The following XPA variants were observed in gnomAD, a reference collection of about 807,000 sequenced individuals.
XPA encodes DNA repair protein complementing XP-A cells.
Under a neutral mutation model 35.7 loss-of-function variants are expected in XPA, and 27 were observed. That is an observed-to-expected ratio of 0.76 (90% CI 0.56 to 1.04). The LOEUF is 1.04. Among genes scored for constraint, XPA ranks in the 50% least tolerant of loss-of-function variants. The pLI, the probability that XPA is intolerant of heterozygous loss-of-function variation, is 0.00. For missense variants in XPA, 354 were observed against 342.7 expected (o/e 1.03, Z -0.26); for synonymous variants, 133 against 118.4 (o/e 1.12, Z -0.80).
intron 5 of XPA, among the ~76,000 whole-genome samples, chr9:97,678,376 G>C (rs1049854007): frequency 6.6e-6 from 1 of 152,104 alleles, no homozygotes; most frequent in African/African-American, 2.4e-5. Context: ...ACTCCAACCT[G>C]GGTGACAGAG....
At chr9:97,661,284 G>A in the XPA span, among the ~76,000 whole-genome samples, 92 of 152,184 alleles carry the variant, frequency 6.0e-4, no homozygotes, top group Non-Finnish European at 1.1e-3. Context: ...AAACTTCATC[G>A]TAAATACAAA....
intron 2 of XPA, among the ~76,000 whole-genome samples, chr9:97,691,706 T>G (rs1828892713): frequency 6.6e-6 from 1 of 151,436 alleles, no homozygotes; most frequent in Admixed American, 6.6e-5. Flanking sequence ...AGAGTGAAAC[T>G]CCGTCTCAAA....
the XPA span, chr9:97,669,830 T>G: frequency 1.4e-6 from 1 of 734,158 alleles, no homozygotes; most frequent in Non-Finnish European, 2.5e-6. Flanking sequence ...TTAGTTCATG[T>G]CCATTTGCTG....
chr9:97,654,919 A>G, the XPA span: 130 of 1,611,124 alleles, frequency 8.1e-5, no homozygotes, highest in Non-Finnish European at 1.1e-4. Flanking sequence ...GCGTTTGGAC[A>G]CAATGAACAC....
At chr9:97,690,274 G>A (rs1468313087) in intron 2 of XPA, among the ~76,000 whole-genome samples, 1 of 152,158 alleles carries the variant, frequency 6.6e-6, no homozygotes, top group Non-Finnish European at 1.5e-5. Context: ...GCAGTGGCAC[G>A]ATCTCAGCTC....
chr9:97,677,200 TC>T (rs1235438929), intron 5 of XPA, among the ~76,000 whole-genome samples: 1 of 152,160 alleles, frequency 6.6e-6, no homozygotes, highest in Non-Finnish European at 1.5e-5. Context: ...AGAAAAATTT[TC>T]TGAATACTAA....
intron 5 of XPA, among the ~76,000 whole-genome samples, chr9:97,683,932 T>G (rs1471604893): frequency 6.6e-6 from 1 of 152,168 alleles, no homozygotes; most frequent in African/African-American, 2.4e-5. Context: ...TTCAATGAAT[T>G]AATTTAGTAT....
chr9:97,682,179 C>A, intron 5 of XPA: 1 of 430,256 alleles, frequency 2.3e-6, no homozygotes, highest in Non-Finnish European at 4.6e-6. Context: ...ATTCTCAAAG[C>A]AGGTAAATAT....
chr9:97,661,210 G>T, the XPA span: 2 of 902,172 alleles, frequency 2.2e-6, no homozygotes, highest in Non-Finnish European at 3.2e-6. Context: ...TAGCACCCCA[G>T]GTATTTTCCC....
At chr9:97,658,393 A>C in the XPA span, among the ~76,000 whole-genome samples, 2 of 152,302 alleles carry the variant, frequency 1.3e-5, no homozygotes, top group East Asian at 3.9e-4. Flanking sequence ...ATCACCCCAC[A>C]TACTTGGCCA....
Position 97,687,703 on chromosome 9 carries a change from C to A in XPA, c.390-442G>T, listed in dbSNP as rs558242234. ...AGCAAAATACTATATGAAAAGGAGA[C>A]CCTAGGGGTGCGAAAGGGGTAATGG... On this transcript the variant is annotated intron_variant, in intron 3 of 5. Coordinates refer to ENST00000375128, the MANE Select transcript of XPA (RefSeq NM_000380.4). Among the ~76,000 whole-genome samples, 9 of 152,170 alleles carry A rather than the reference C, an allele frequency of 5.9e-5. No homozygotes were observed. In the East Asian group the frequency reaches 1.5e-3, roughly 26 times the overall value.
At chr9:97,659,696 G>A in the XPA span, among the ~76,000 whole-genome samples, 2 of 152,188 alleles carry the variant, frequency 1.3e-5, no homozygotes, top group Admixed American at 1.3e-4. Context: ...GTACTTAGAA[G>A]TGCTGGGTTT....
At chr9:97,684,424 G>C (rs3176695) in intron 5 of XPA, among the ~76,000 whole-genome samples, 1,535 of 152,296 alleles carry the variant, frequency 0.01, 26 homozygotes, top group African/African-American at 0.035. Flanking sequence ...CCTGCTTCCA[G>C]TCCCAACTCT....
At chr9:97,669,500 C>T in the XPA span, 2 of 786,196 alleles carry the variant, frequency 2.5e-6, no homozygotes, top group Admixed American at 2.2e-5. Flanking sequence ...CAGGGTGGAA[C>T]AGGCAATACT....
the XPA span, among the ~76,000 whole-genome samples, chr9:97,666,007 T>C: frequency 6.6e-5 from 10 of 152,176 alleles, no homozygotes; most frequent in African/African-American, 2.4e-4. Flanking sequence ...AGAGGAGGGG[T>C]TGGTCTTATT....
chr9:97,662,111 A>G, the XPA span: 4 of 1,613,894 alleles, frequency 2.5e-6, no homozygotes, highest in East Asian at 2.2e-5. Flanking sequence ...TTGGCAGCCA[A>G]ATCATTCAGC....
At chr9:97,662,810 T>A in the XPA span, 1 of 605,616 alleles carries the variant, frequency 1.7e-6, no homozygotes, top group South Asian at 2.3e-5. Flanking sequence ...TGATCACACT[T>A]TTTGCATCCT....
At chr9:97,685,504 C>T (rs77314351) in intron 4 of XPA, among the ~76,000 whole-genome samples, 3 of 152,112 alleles carry the variant, frequency 2.0e-5, no homozygotes, top group Non-Finnish European at 2.9e-5. Context: ...TTCTGATCTG[C>T]AGGATATATT....
At chr9:97,664,213 A>C in the XPA span, 1 of 552,002 alleles carries the variant, frequency 1.8e-6, no homozygotes, top group African/African-American at 1.9e-5. Context: ...TGATCAATCA[A>C]TTCCATAGCC....
Sources: allele counts gnomAD v4.1 joint callset (sites outside exome capture counted in the v4.1 genomes callset), GRCh38; gene constraint gnomAD v4.1.1; transcripts MANE v1.5; gene names NCBI Gene and HGNC (gene_info 2026-07-23, HGNC 2026-07-21).